The following SPATA6 variants were observed in gnomAD, a reference collection of about 807,000 sequenced individuals.
SPATA6 encodes spermatogenesis associated 6.
SPATA6 carries 56 observed loss-of-function variants against 65.3 expected under a neutral mutation model. The observed-to-expected ratio is 0.86, with a 90% CI of 0.69 to 1.07. The LOEUF is 1.07. Among genes scored for constraint, SPATA6 ranks in the 50% least tolerant of loss-of-function variants. The pLI is 0.00. For synonymous variants in SPATA6, 199 were observed against 213.2 expected, an observed-to-expected ratio of 0.93 and a Z score of 0.58; for missense variants, 590 against 594.8, an observed-to-expected ratio of 0.99 and a Z score of 0.08.
At chr1:48,326,968 A>G (rs1645781052) in intron 11 of SPATA6, among the ~76,000 whole-genome samples, 1 of 152,216 alleles carries the variant, frequency 6.6e-6, no homozygotes, top group African/African-American at 2.4e-5. Flanking sequence ...CAAAAACCCC[A>G]AAAGCAAATG....
At chr1:48,286,913 C>A in the SPATA6 span, among the ~76,000 whole-genome samples, 5 of 151,828 alleles carry the variant, frequency 3.3e-5, no homozygotes, top group Admixed American at 6.6e-5. Context: ...GTGGCGGGCA[C>A]CTGTAGTCCC....
At chr1:48,371,475 T>C (rs553293494) in intron 9 of SPATA6, among the ~76,000 whole-genome samples, 1 of 152,162 alleles carries the variant, frequency 6.6e-6, no homozygotes, top group South Asian at 2.1e-4. Flanking sequence ...ACACACTACA[T>C]TAGTCTACAC....
intron 3 of SPATA6, among the ~76,000 whole-genome samples, chr1:48,428,343 A>G (rs760009742): frequency 1.5e-4 from 23 of 152,216 alleles, no homozygotes; most frequent in Admixed American, 4.6e-4. Context: ...AATTCCAGCT[A>G]CTCTGAAGCC....
At chr1:48,350,757 A>T (rs1358514170) in intron 11 of SPATA6, among the ~76,000 whole-genome samples, 1 of 151,904 alleles carries the variant, frequency 6.6e-6, no homozygotes, top group Non-Finnish European at 1.5e-5. Flanking sequence ...AATCAATATA[A>T]CACAATCTTC....
At chr1:48,451,730 C>T in intron 2 of SPATA6, 130 bp from the exon 3 acceptor site, 1 of 759,584 alleles carries the variant, frequency 1.3e-6, no homozygotes, top group Non-Finnish European at 2.1e-6. Context: ...CAGTTCCTCT[C>T]TCCTTCCCAT....
At chr1:48,404,490 C>T (rs958075275) in intron 5 of SPATA6, among the ~76,000 whole-genome samples, 1 of 151,930 alleles carries the variant, frequency 6.6e-6, no homozygotes, top group Admixed American at 6.6e-5. Flanking sequence ...CTACAGGATA[C>T]ACCACCACAT....
chr1:48,339,764 A>C (rs1213839103), intron 11 of SPATA6, among the ~76,000 whole-genome samples: 3 of 152,074 alleles, frequency 2.0e-5, no homozygotes, highest in Non-Finnish European at 4.4e-5. Context: ...AGCGCAAGAA[A>C]CTTGCAGGAC....
At chr1:48,414,434 A>C (rs1417335266) in intron 3 of SPATA6, among the ~76,000 whole-genome samples, 1 of 151,962 alleles carries the variant, frequency 6.6e-6, no homozygotes. Flanking sequence ...AAAATACTTA[A>C]CTCCAGCCAG....
At chr1:48,402,592 A>C (rs1366459708) in intron 6 of SPATA6, 1 of 152,208 alleles carries the variant, frequency 6.6e-6, no homozygotes, top group Admixed American at 6.5e-5. Context: ...CTTTCTAAAT[A>C]AAATAAGAAT....
the SPATA6 span, among the ~76,000 whole-genome samples, chr1:48,281,810 T>C: frequency 1.3e-5 from 2 of 152,142 alleles, no homozygotes; most frequent in African/African-American, 2.4e-5. Flanking sequence ...CCAATGACTT[T>C]CTTCATAGAA....
intron 11 of SPATA6, among the ~76,000 whole-genome samples, chr1:48,344,657 A>G (rs1198439371): frequency 6.6e-6 from 1 of 152,172 alleles, no homozygotes; most frequent in Non-Finnish European, 1.5e-5. Flanking sequence ...TGACACACAT[A>G]GGCTTAAAAT....
At chr1:48,451,080 ATG>A (rs1463741745) in intron 3 of SPATA6, among the ~76,000 whole-genome samples, 7 of 152,230 alleles carry the variant, frequency 4.6e-5, no homozygotes, top group African/African-American at 1.7e-4. Flanking sequence ...CCTTGAAAAA[ATG>A]TGTTTTTCAA....
At chr1:48,288,358 C>T in the SPATA6 span, among the ~76,000 whole-genome samples, 4 of 152,032 alleles carry the variant, frequency 2.6e-5, no homozygotes, top group African/African-American at 9.7e-5. Context: ...TTTAAGAAGC[C>T]GAGAGAATTC....
chr1:48,388,820 T>G (rs1649760107), intron 8 of SPATA6, among the ~76,000 whole-genome samples: 1 of 152,126 alleles, frequency 6.6e-6, no homozygotes, highest in Non-Finnish European at 1.5e-5. Flanking sequence ...GCGCTTCTCC[T>G]GCCTCAGTCT....
chr1:48,356,531 T>G (rs1646666287), intron 10 of SPATA6, among the ~76,000 whole-genome samples: 1 of 147,318 alleles, frequency 6.8e-6, no homozygotes, highest in African/African-American at 2.5e-5. Context: ...TTTTTTTTTT[T>G]GACACGGAGT....
chr1:48,364,809 T>C (rs1008160499), intron 9 of SPATA6, among the ~76,000 whole-genome samples: 11 of 152,280 alleles, frequency 7.2e-5, no homozygotes, highest in South Asian at 2.1e-4. Flanking sequence ...TTAATTAGAT[T>C]CCATTTGTCA....
At chr1:48,388,973 T>C (rs943978205) in intron 8 of SPATA6, among the ~76,000 whole-genome samples, 4 of 151,960 alleles carry the variant, frequency 2.6e-5, no homozygotes, top group African/African-American at 9.7e-5. Flanking sequence ...GCAATCTCTG[T>C]CTCCTGGGTT....
chr1:48,400,108 C>A (rs144933458), intron 6 of SPATA6, among the ~76,000 whole-genome samples: 3 of 151,848 alleles, frequency 2.0e-5, no homozygotes, highest in African/African-American at 7.2e-5. Context: ...TAAGTTTCAT[C>A]CCTTCTGCTA....
At chr1:48,373,278 C>A (rs1178042499) in intron 9 of SPATA6, among the ~76,000 whole-genome samples, 1 of 152,242 alleles carries the variant, frequency 6.6e-6, no homozygotes, top group Non-Finnish European at 1.5e-5. Context: ...TCATCTTTCT[C>A]AAGTTCAAAG....
Sources: gnomAD v4.1 joint callset for allele counts (sites outside exome capture counted in the v4.1 genomes callset) on GRCh38, gnomAD v4.1.1 for gene constraint, MANE v1.5 for transcripts, NCBI Gene and HGNC (gene_info 2026-07-23, HGNC 2026-07-21) for gene names.